SPON1: variants seen among roughly 807,000 people sequenced by gnomAD.
SPON1 encodes the protein spondin 1.
In SPON1, 52 loss-of-function variants were observed where a neutral mutation model predicts 111.7. The observed-to-expected ratio is 0.47, with a 90% CI of 0.37 to 0.59. The LOEUF is 0.59. SPON1 is among the 20% of genes least tolerant of loss of function. The pLI is 0.00. For missense variants in SPON1, 957 were observed against 1,068.5 expected (o/e 0.90, Z 1.46); for synonymous variants, 410 against 395.8 (o/e 1.04, Z -0.43).
At position 14,038,826 on chromosome 11, in the gene SPON1, C is replaced by T. The variant is rs540252131; in HGVS notation, c.346-2695C>T. 2.6e-5 allele frequency among the ~76,000 whole-genome samples: 4 copies of T among 152,282 alleles called. 1 individual carries two copies. In the South Asian group the frequency reaches 8.3e-4, roughly 32 times the overall value. Reference sequence around the variant, plus strand: ...TCTAAATATACTATTGCCATATGATCCAGCAATTGTGCTCTTTGGTATTTA... The same window carrying T: ...TCTAAATATACTATTGCCATATGATTCAGCAATTGTGCTCTTTGGTATTTA... On this transcript the variant is annotated intron_variant, in intron 2 of 15. Transcript: ENST00000576479.
chr11:14,182,093 G>T lies in SPON1; in HGVS notation c.825+46525G>T, dbSNP rs117206685. ...CTTTGGGTCTCCAGTATATTCTGCT[G>T]TGAGTCTCACATTTGCTCTCCTAAG... On this transcript the variant is annotated intron_variant, in intron 6 of 15. Coordinates refer to ENST00000576479, the MANE Select transcript of SPON1 (RefSeq NM_006108.4). Among the ~76,000 whole-genome samples the T allele has an allele frequency of 3.9e-3, 595 of 152,300 alleles. 5 individuals carry two copies. The highest frequency in any genetic ancestry group is 6.3e-3 in the Admixed American group (96 of 15,300).
intron 2 of SPON1, among the ~76,000 whole-genome samples, chr11:14,003,347 G>A (rs187434072): frequency 1.3e-5 from 2 of 152,280 alleles, no homozygotes; most frequent in African/African-American, 4.8e-5. Context: ...AGTGATCCCT[G>A]CACCGAACAG....
chr11:14,136,920 A>G (rs957618089), intron 6 of SPON1, among the ~76,000 whole-genome samples: 1 of 152,158 alleles, frequency 6.6e-6, no homozygotes, highest in Non-Finnish European at 1.5e-5. Flanking sequence ...CTGGCCTATC[A>G]TGGGGGAACC....
At position 14,213,006 on chromosome 11, in the gene SPON1, C is replaced by T. The variant is rs115932837; in HGVS notation, c.826-30326C>T. Among the ~76,000 whole-genome samples the T allele has an allele frequency of 8.0e-3, 1,212 of 152,288 alleles. 14 individuals carry two copies. Among genetic ancestry groups the T allele is most frequent in the African/African-American group, 0.027 (1,137 of 41,564 alleles). ...TATTCATAGTCAGTAAACACAGTCT[C>T]CAGAGCTTGGGAGAGACTCTTTTAA... On this transcript the variant is annotated intron_variant, in intron 6 of 15. Coordinates refer to ENST00000576479, the MANE Select transcript of SPON1 (RefSeq NM_006108.4).
At chr11:13,994,597 A>C (rs1848256267) in intron 2 of SPON1, among the ~76,000 whole-genome samples, 1 of 152,238 alleles carries the variant, frequency 6.6e-6, no homozygotes, top group African/African-American at 2.4e-5. Flanking sequence ...AAATTTAGCA[A>C]GATGAAAGCT....
chr11:14,109,358 AG>A (rs1211559960), intron 5 of SPON1, among the ~76,000 whole-genome samples: 1 of 152,164 alleles, frequency 6.6e-6, no homozygotes, highest in African/African-American at 2.4e-5. Flanking sequence ...TATAATTTAA[AG>A]CTTACAGAAA....
chr11:14,038,485 A>C (rs1453639126), intron 2 of SPON1, among the ~76,000 whole-genome samples: 1 of 152,132 alleles, frequency 6.6e-6, no homozygotes, highest in Non-Finnish European at 1.5e-5. Context: ...ACAAAACAAA[A>C]CAAAACAAAC....
rs781917107 is a variant in SPON1, at chr11:14,083,700, A to G, written c.676+3679A>G. Among the ~76,000 whole-genome samples the G allele has an allele frequency of 2.3e-4, 35 of 152,234 alleles. 1 individual carries two copies. The highest frequency in any genetic ancestry group is 1.0e-4 in the Non-Finnish European group (7 of 68,040). On this transcript the variant is annotated intron_variant, in intron 5 of 15. Transcript: ENST00000576479. Reference sequence around the variant, plus strand: ...TAATATCACTACCAATCTCATCAGAAAAGTATTTAATATTGGAAAGCTATC... The same window carrying G: ...TAATATCACTACCAATCTCATCAGAGAAGTATTTAATATTGGAAAGCTATC...
chr11:14,229,606 G>T (rs1554938438), intron 6 of SPON1, among the ~76,000 whole-genome samples: 2 of 152,156 alleles, frequency 1.3e-5, no homozygotes, highest in Non-Finnish European at 2.9e-5. Flanking sequence ...TAACCCAGTA[G>T]GGAACAAGCT....
At chr11:14,150,670 A>G (rs1847776435) in intron 6 of SPON1, among the ~76,000 whole-genome samples, 1 of 152,180 alleles carries the variant, frequency 6.6e-6, no homozygotes, top group South Asian at 2.1e-4. Context: ...AACTAAAAAA[A>G]TAGAATAGAA....
chr11:14,131,339 A>G (rs1847527434), intron 5 of SPON1, among the ~76,000 whole-genome samples: 1 of 152,146 alleles, frequency 6.6e-6, no homozygotes, highest in African/African-American at 2.4e-5. Flanking sequence ...TAACATGAGG[A>G]TAAGGTTATG....
In SPON1 at chr11:14,141,728, C is replaced by T. The variant is rs147430335; in HGVS notation, c.825+6160C>T. ...TTTTCTTTTCTCATCTCCTTTAAAT[C>T]ATTGGAGATGACATATGTCTACTAA... On this transcript the variant is annotated intron_variant, in intron 6 of 15. Coordinates refer to ENST00000576479, the MANE Select transcript of SPON1 (RefSeq NM_006108.4). Among the ~76,000 whole-genome samples, 32 of 152,282 alleles carry T rather than the reference C, an allele frequency of 2.1e-4. 1 individual carries two copies. In the East Asian group the frequency reaches 2.1e-3, roughly 10 times the overall value.
intron 5 of SPON1, among the ~76,000 whole-genome samples, chr11:14,090,565 T>C (rs1345376599): frequency 6.6e-6 from 1 of 151,786 alleles, no homozygotes; most frequent in Non-Finnish European, 1.5e-5. Context: ...TGCAGACCTT[T>C]GTGGTGAGTG....
At chr11:14,037,716 G>GA (rs1163266358) in intron 2 of SPON1, among the ~76,000 whole-genome samples, 1 of 152,110 alleles carries the variant, frequency 6.6e-6, no homozygotes, top group Non-Finnish European at 1.5e-5. Flanking sequence ...ATCCATGAAA[G>GA]AAATAATTGA....
At chr11:14,183,227 C>G (rs577191563) in intron 6 of SPON1, among the ~76,000 whole-genome samples, 1 of 152,142 alleles carries the variant, frequency 6.6e-6, no homozygotes, top group East Asian at 1.9e-4. Context: ...AATGTGGGAG[C>G]CTTTAATAGC....
At chr11:14,102,068 C>T (rs1301379706) in intron 5 of SPON1, among the ~76,000 whole-genome samples, 1 of 152,068 alleles carries the variant, frequency 6.6e-6, no homozygotes, top group Non-Finnish European at 1.5e-5. Flanking sequence ...TGTGTATTTC[C>T]TGAATGTTTT....
Position 14,051,684 on chromosome 11 carries a change from C to T in SPON1, c.479+10030C>T, listed in dbSNP as rs182336837. Among the ~76,000 whole-genome samples the T allele has an allele frequency of 8.5e-5, 13 of 152,258 alleles. No homozygotes were observed. The East Asian group carries it at 2.5e-3, about 29-fold the overall frequency. ...ACCTTGATCTTAGACTTTCCAGCCC[C>T]CAGGACTGTGAGAAATAAATTCTGT... On this transcript the variant is annotated intron_variant, in intron 3 of 15. Coordinates refer to ENST00000576479, the MANE Select transcript of SPON1 (RefSeq NM_006108.4).
intron 6 of SPON1, among the ~76,000 whole-genome samples, chr11:14,185,590 A>G (rs1252557954): frequency 1.3e-5 from 2 of 152,264 alleles, no homozygotes; most frequent in Non-Finnish European, 2.9e-5. Flanking sequence ...GATGAAATGT[A>G]TACACAGCTA....
At position 14,044,672 on chromosome 11, in the gene SPON1, A is replaced by G. The variant is rs144089815; in HGVS notation, c.479+3018A>G. On this transcript the variant is annotated intron_variant, in intron 3 of 15. Coordinates refer to ENST00000576479, the MANE Select transcript of SPON1 (RefSeq NM_006108.4). ...TCTCTCAATTCCAGTTTTCTACACAAAGGCAATAATAGAATCAATTTGGTT... is the reference window on the plus strand; with the variant it reads ...TCTCTCAATTCCAGTTTTCTACACAGAGGCAATAATAGAATCAATTTGGTT... Among the ~76,000 whole-genome samples the G allele has an allele frequency of 2.0e-4, 30 of 152,314 alleles. No individual in the cohort carries two copies. In the East Asian group the frequency reaches 5.6e-3, roughly 28 times the overall value.
Sources: allele counts gnomAD v4.1 joint callset (sites outside exome capture counted in the v4.1 genomes callset), GRCh38; gene constraint gnomAD v4.1.1; transcripts MANE v1.5; gene names NCBI Gene and HGNC (gene_info 2026-07-23, HGNC 2026-07-21).